Variants in CCDC150 observed in about 807,000 individuals in gnomAD.
CCDC150 encodes the protein coiled-coil domain-containing protein 150.
Under a neutral mutation model 156.5 loss-of-function variants are expected in CCDC150, and 151 were observed. The ratio of observed to expected loss-of-function variants is 0.97; its 90% CI spans 0.85 to 1.10. The LOEUF is 1.10. Ranked by LOEUF, CCDC150 falls within the 50% of genes least tolerant of loss-of-function variation. The pLI, the probability that CCDC150 is intolerant of heterozygous loss-of-function variation, is 0.00. For missense variants in CCDC150, 1,312 were observed against 1,268.1 expected (o/e 1.03, Z -0.53); for synonymous variants, 452 against 429.4 (o/e 1.05, Z -0.65).
At chr2:196,729,908 C>A (rs1294310112) in intron 24 of CCDC150, 47 bp downstream of exon 24, 6 of 1,605,290 alleles carry the variant, frequency 3.7e-6, no homozygotes. Context: ...TGCAAAATCT[C>A]AAACTTGGAG....
intron 21 of CCDC150, among the ~76,000 whole-genome samples, chr2:196,722,342 C>T (rs966869556): frequency 3.3e-5 from 5 of 152,120 alleles, no homozygotes; most frequent in Admixed American, 6.5e-5. Flanking sequence ...GTGGTGTGAT[C>T]ATGGCTCACT....
chr2:196,725,851 C>T lies in CCDC150; in HGVS notation c.2430-122C>T, dbSNP rs185158803. 101 of 843,226 alleles carry T rather than the reference C, an allele frequency of 1.2e-4. No homozygotes were observed. In the Admixed American group the frequency reaches 2.3e-3, roughly 19 times the overall value. The allele number at this position is 843,226 out of a possible 1,614,324, so 52.2% of individuals were successfully genotyped here. A position where few individuals can be genotyped will look rare whatever the true frequency, so the allele number is the denominator to read the frequency against. ...CAAATTAGTGAGGTTCACCAGGCTA[C>T]TGATAGGCTGCTTGTTTATAAATCA... On this transcript the variant is annotated intron_variant, in intron 21 of 27. Transcript: ENST00000389175.
In CCDC150 at chr2:196,666,762, T is replaced by C. The variant is rs764975913; in HGVS notation, c.806T>C (p.Ile269Thr). The change falls in exon 7 of 28, where the codon ATA becomes ACA. Residue 269 changes from isoleucine to threonine, a missense_variant. By Grantham distance (89) the Ile-to-Thr change is moderately conservative. Coordinates refer to ENST00000389175, the MANE Select transcript of CCDC150 (RefSeq NM_001080539.2). ...AACTGCATTGCTCTACGTGATTCTATACAGAGCGCTCAAGAACTACTGGCC... is the reference window on the plus strand; with the variant it reads ...AACTGCATTGCTCTACGTGATTCTACACAGAGCGCTCAAGAACTACTGGCC... ...QQNCIALRDS[I>T]QSAQELLAQE... The C allele has an allele frequency of 5.6e-6, 9 of 1,612,562 alleles. No homozygotes were observed. The highest frequency in any genetic ancestry group is 6.8e-6 in the Non-Finnish European group (8 of 1,179,216).
intron 2 of CCDC150, among the ~76,000 whole-genome samples, chr2:196,650,434 C>T (rs549285530): frequency 2.6e-5 from 4 of 152,124 alleles, no homozygotes; most frequent in Non-Finnish European, 5.9e-5. Flanking sequence ...TGCTCTGTCT[C>T]CCAGGTTGGA....
At chr2:196,671,279 A>G (rs965458473) in intron 8 of CCDC150, among the ~76,000 whole-genome samples, 3 of 151,982 alleles carry the variant, frequency 2.0e-5, no homozygotes, top group Non-Finnish European at 4.4e-5. Flanking sequence ...TACTGTCTCC[A>G]TAGATTTGCC....
chr2:196,698,691 CT>C (rs199953049), intron 14 of CCDC150, among the ~76,000 whole-genome samples: 2,192 of 151,998 alleles, frequency 0.014, 47 homozygotes, highest in African/African-American at 0.05. Context: ...TTTAAATAAG[CT>C]TTTTTTTAAA....
At chr2:196,696,076 T>C (rs1214543880) in intron 14 of CCDC150, among the ~76,000 whole-genome samples, 1 of 152,226 alleles carries the variant, frequency 6.6e-6, no homozygotes, top group African/African-American at 2.4e-5. Context: ...AATCTTCTTA[T>C]ATGGTCATGG....
chr2:196,694,723 A>G (rs1198158907), intron 13 of CCDC150, among the ~76,000 whole-genome samples: 3 of 152,070 alleles, frequency 2.0e-5, no homozygotes, highest in Non-Finnish European at 4.4e-5. Context: ...TTAGCTGGGC[A>G]TGGTGGTGCG....
chr2:196,725,799 CT>C (rs1698174953), intron 21 of CCDC150, among the ~76,000 whole-genome samples, 173 bp from the exon 22 acceptor site: 1 of 152,154 alleles, frequency 6.6e-6, no homozygotes, highest in Non-Finnish European at 1.5e-5. Context: ...GGTAAATTCA[CT>C]TCTTTTTTCT....
intron 17 of CCDC150, among the ~76,000 whole-genome samples, chr2:196,717,362 T>C (rs1220153711): frequency 5.3e-5 from 8 of 152,202 alleles, no homozygotes; most frequent in African/African-American, 1.9e-4. Flanking sequence ...ATGGAAATTT[T>C]GTGTCTTGAC....
At chr2:196,658,059 C>T (rs1314696764) in intron 4 of CCDC150, among the ~76,000 whole-genome samples, 5 of 151,852 alleles carry the variant, frequency 3.3e-5, no homozygotes, top group Admixed American at 2.6e-4. Context: ...CTGTGGGGAG[C>T]GATTGAGATT....
intron 17 of CCDC150, among the ~76,000 whole-genome samples, chr2:196,715,964 T>A (rs543289469): frequency 3.9e-5 from 6 of 152,190 alleles, no homozygotes; most frequent in Non-Finnish European, 8.8e-5. Flanking sequence ...CATATCTGAT[T>A]AAGGCCTTGT....
chr2:196,723,926 T>A (rs571094912), intron 21 of CCDC150, among the ~76,000 whole-genome samples: 19 of 152,360 alleles, frequency 1.2e-4, no homozygotes, highest in Middle Eastern at 3.4e-3. Context: ...AAAGTTATTC[T>A]GCTGCTGCCC....
At position 196,729,971 on chromosome 2, in the gene CCDC150, G is replaced by T. The variant is rs1698438589; in HGVS notation, c.2835G>T (p.Gln945His). 3.1e-6 allele frequency: 5 copies of T among 1,612,514 alleles called. No homozygotes were observed. Among genetic ancestry groups the T allele is most frequent in the Non-Finnish European group, 4.2e-6 (5 of 1,179,498 alleles). The stretch of plus-strand genomic sequence containing the variant: ...TATCCTTCCAGTCTTTGAGTATCCA[G>T]AGATTTGTGTGTGAAATGACTAACC... ...KKNYEQSLSI[Q>H]RFVCEMTNLQ... Residue 945 changes from glutamine (Q) to histidine (H), a missense_variant, in exon 25 of 28, where the codon CAG becomes CAT. Gln to His is a conservative substitution (Grantham distance 24). Transcript: ENST00000389175.
chr2:196,713,806 G>A, intron 17 of CCDC150: 1 of 1,085,462 alleles, frequency 9.2e-7, no homozygotes, highest in African/African-American at 1.6e-5. Context: ...TTCACAAATA[G>A]AAAAAAGACT....
chr2:196,711,442 C>T (rs570483947), intron 15 of CCDC150, among the ~76,000 whole-genome samples: 7 of 152,068 alleles, frequency 4.6e-5, no homozygotes, highest in South Asian at 4.1e-4. Flanking sequence ...GAAAATTTTC[C>T]TGATTTAGGG....
intron 17 of CCDC150, among the ~76,000 whole-genome samples, chr2:196,717,515 TAGTC>T (rs1360895964): frequency 6.6e-6 from 1 of 152,208 alleles, no homozygotes; most frequent in African/African-American, 2.4e-5. Context: ...GTGATCTAGT[TAGTC>T]AAGTTAACAA....
intron 14 of CCDC150, among the ~76,000 whole-genome samples, chr2:196,696,610 T>C (rs879349627): frequency 5.9e-5 from 9 of 152,204 alleles, no homozygotes; most frequent in Admixed American, 5.9e-4. Context: ...TGATGACTCA[T>C]AGATAACGCA....
At chr2:196,664,126 CGCA>C (rs1693710176) in intron 5 of CCDC150, among the ~76,000 whole-genome samples, 7 of 152,130 alleles carry the variant, frequency 4.6e-5, no homozygotes, top group Admixed American at 3.9e-4. Flanking sequence ...TCACATACCT[CGCA>C]GCAGAACACT....
Sources: allele counts gnomAD v4.1 joint callset (sites outside exome capture counted in the v4.1 genomes callset), GRCh38; gene constraint gnomAD v4.1.1; transcripts MANE v1.5; gene names NCBI Gene and HGNC (gene_info 2026-07-23, HGNC 2026-07-21).